The following FRY variants were observed in gnomAD, a reference collection of about 807,000 sequenced individuals.
FRY encodes protein furry homolog.
A neutral mutation model predicts 348.4 loss-of-function variants in FRY; 128 were observed. That is an observed-to-expected ratio of 0.37 (90% CI 0.32 to 0.43). The LOEUF (loss-of-function observed/expected upper bound fraction) is 0.43, where lower values mean the gene tolerates loss of function less well. Among genes scored for constraint, FRY ranks in the 20% least tolerant of loss-of-function variants. FRY has a pLI of 1.00. For missense variants in FRY, 2,736 were observed against 3,695.2 expected (o/e 0.74, Z 6.73); for synonymous variants, 1,370 against 1,374.7 (o/e 1.00, Z 0.08).
At chr13:32,081,956 G>A (rs545906722) in intron 2 of FRY, among the ~76,000 whole-genome samples, 1 of 152,052 alleles carries the variant, frequency 6.6e-6, no homozygotes, top group African/African-American at 2.4e-5. Flanking sequence ...AATTTATGCG[G>A]GTTTGTATCA....
In FRY at chr13:32,234,695, A is replaced by C. The variant is rs781114190; in HGVS notation, c.5649A>C (p.Ala1883=). 2.5e-6 allele frequency: 4 copies of C among 1,614,098 alleles called. No homozygotes were observed. The Admixed American group carries it at 6.7e-5, about 27-fold the overall frequency. ...GGGCCCTCAAGCAACCTCTGTCAGC[A>C]CATGCCTTATCTGACCTTCTCTCAA... is the stretch of plus-strand genomic sequence containing the variant. ...IFRALKQPLS[A]HALSDLLSRL... The change falls in exon 42 of 61, where the codon GCA becomes GCC. Residue 1883 remains alanine (A), a synonymous_variant. Coordinates refer to ENST00000542859, the MANE Select transcript of FRY (RefSeq NM_023037.3).
rs753994299 is a variant in FRY at position 32,136,811 on chromosome 13, T to C, written c.1078-60T>C. On this transcript the variant is annotated intron_variant, in intron 10 of 60. Coordinates refer to ENST00000542859, the MANE Select transcript of FRY (RefSeq NM_023037.3). ...GGCAAGGTAGTGGGTACAGAGAATG[T>C]ATGTTACCTGGTTTGTTGAAATATA... The C allele has an allele frequency of 2.7e-5, 26 of 964,952 alleles. No homozygotes were observed. The Middle Eastern group carries it at 1.5e-3, about 54-fold the overall frequency. 59.8% of individuals were successfully genotyped at this position (964,952 alleles called of 1,614,324 possible). A position where few individuals can be genotyped will look rare whatever the true frequency, so the allele number is the denominator to read the frequency against.
intron 41 of FRY, 111 bp from the exon 42 acceptor site, chr13:32,234,463 C>T (rs1464083027): frequency 4.4e-6 from 4 of 904,536 alleles, no homozygotes; most frequent in Non-Finnish European, 5.5e-6. Flanking sequence ...AAATAAGTAC[C>T]ACTACAAGGT....
At position 32,295,237 on chromosome 13, in the gene FRY, C is replaced by CTGA. The variant is rs1171176296; in HGVS notation, c.8826_8828dup (p.Asp2942dup). ...CCCAATGACATCTTTGGAAGCAGTT[C>CTGA]TGATGATGAGGTCCAGACACTACTG... On this transcript the variant is annotated inframe_insertion, in exon 61 of 61. Coordinates refer to ENST00000542859, the MANE Select transcript of FRY (RefSeq NM_023037.3). 1 of 1,613,686 alleles carries CTGA rather than the reference C, an allele frequency of 6.2e-7. No homozygotes were observed. Among genetic ancestry groups the CTGA allele is most frequent in the Non-Finnish European group, 8.5e-7 (1 of 1,179,768 alleles).
Position 32,147,891 on chromosome 13 carries a change from G to T in FRY, c.1336G>T (p.Val446Leu), listed in dbSNP as rs899870189. 3 of 1,611,896 alleles carry T rather than the reference G, an allele frequency of 1.9e-6. No homozygotes were observed. The highest frequency in any genetic ancestry group is 2.5e-6 in the Non-Finnish European group (3 of 1,177,954). The change falls in exon 13 of 61, where the codon GTA becomes TTA. Residue 446 changes from valine to leucine, a missense_variant. Val to Leu is a conservative substitution (Grantham distance 32, BLOSUM62 1). Coordinates refer to ENST00000542859, the MANE Select transcript of FRY (RefSeq NM_023037.3). ...TTTCCCCAAAGGGTCCCGCGGTGTG[G>T]TACCAAGGGACATGCCTCTGAACAT... is the stretch of plus-strand genomic sequence containing the variant. ...TLFPKGSRGVVPRDMPLNIFV... is the reference protein window; with the variant it reads ...TLFPKGSRGVLPRDMPLNIFV...
rs1045311702 is a variant in FRY, at chr13:32,295,522, A to G, written c.*62A>G. 3 of 1,492,586 alleles carry G rather than the reference A, an allele frequency of 2.0e-6. No homozygotes were observed. The highest frequency in any genetic ancestry group is 1.7e-5 in the Admixed American group (1 of 59,856). 92.5% of individuals were successfully genotyped at this position (1,492,586 alleles called of 1,614,324 possible). ...AGTGCTGCCATGCTGGGGCAACGTC[A>G]TTCAGTGTCTTCTCGGCCTTCAAAA... On this transcript the variant is annotated 3_prime_UTR_variant, in exon 61 of 61. Transcript: ENST00000542859.
At chr13:32,128,180 C>T (rs906723734) in intron 7 of FRY, among the ~76,000 whole-genome samples, 6 of 152,178 alleles carry the variant, frequency 3.9e-5, no homozygotes, top group Non-Finnish European at 7.3e-5. Flanking sequence ...TTATCCATCT[C>T]TACCGAATGT....
At chr13:32,132,250 T>C (rs1292708422) in intron 8 of FRY, among the ~76,000 whole-genome samples, 1 of 114,754 alleles carries the variant, frequency 8.7e-6, no homozygotes, top group Non-Finnish European at 1.9e-5. Context: ...TCTTAATTTT[T>C]AAAAACTCAG....
intron 4 of FRY, among the ~76,000 whole-genome samples, chr13:32,120,767 T>C (rs569619317): frequency 9.9e-5 from 15 of 152,258 alleles, no homozygotes; most frequent in Non-Finnish European, 2.2e-4. Flanking sequence ...GTTCAAGTGA[T>C]TCTCCTGCCT....
chr13:32,274,525 A>G (rs952891880), intron 55 of FRY, among the ~76,000 whole-genome samples: 6 of 151,796 alleles, frequency 4.0e-5, no homozygotes, highest in Non-Finnish European at 7.4e-5. Context: ...TAACACAGTG[A>G]AACCCCGTCT....
Position 32,172,770 on chromosome 13 carries a change from A to G in FRY, c.2152-597A>G, listed in dbSNP as rs575633507. ...CCTTCCCTGTGTTGTAGACATGCCA[A>G]CACGATAGGTAGAAAAGCAAGGGTT... On this transcript the variant is annotated intron_variant, in intron 18 of 60. Coordinates refer to ENST00000542859, the MANE Select transcript of FRY (RefSeq NM_023037.3). Among the ~76,000 whole-genome samples the G allele has an allele frequency of 1.2e-3, 184 of 152,280 alleles. 1 individual carries two copies. In the Middle Eastern group the frequency reaches 0.014, roughly 11 times the overall value.
intron 58 of FRY, among the ~76,000 whole-genome samples, chr13:32,281,433 C>G (rs1234765075): frequency 6.6e-6 from 1 of 152,124 alleles, no homozygotes; most frequent in African/African-American, 2.4e-5. Flanking sequence ...GTCTAAATGT[C>G]TAATATGGCT....
intron 1 of FRY, among the ~76,000 whole-genome samples, chr13:32,048,113 C>T (rs1404317039): frequency 6.6e-6 from 1 of 152,180 alleles, no homozygotes; most frequent in Non-Finnish European, 1.5e-5. Flanking sequence ...TTTCTACCCT[C>T]TAGCACATCT....
In FRY at chr13:32,231,239, T is replaced by C; in HGVS notation, c.5466T>C (p.Ser1822=). The change falls in exon 41 of 61, where the codon AGT becomes AGC. Residue 1822 remains serine (S), a synonymous_variant. Transcript: ENST00000542859. The part of the protein sequence containing the change: ...DITPKNQNSK[S]AEQLTNFLRH... ...CACCTAAAAATCAAAATTCAAAGAG[T>C]GCTGAACAGCTCACTAATTTTCTAC... 6.2e-7 allele frequency: 1 copy of C among 1,612,776 alleles called. No individual in the cohort carries two copies. The highest frequency in any genetic ancestry group is 8.5e-7 in the Non-Finnish European group (1 of 1,178,810).
chr13:32,050,764 CAA>C (rs1257809227), intron 1 of FRY, among the ~76,000 whole-genome samples: 2 of 152,092 alleles, frequency 1.3e-5, no homozygotes, highest in African/African-American at 4.8e-5. Flanking sequence ...ACTCTGGTGA[CAA>C]TTATTACATG....
intron 48 of FRY, 65 bp downstream of exon 48, chr13:32,247,567 G>A: frequency 8.2e-7 from 1 of 1,220,606 alleles, no homozygotes; most frequent in Non-Finnish European, 1.2e-6. Context: ...AAGATCAAAA[G>A]TAGTTGCCTG....
At chr13:32,218,961 C>T in intron 36 of FRY, 130 bp downstream of exon 36, 1 of 685,846 alleles carries the variant, frequency 1.5e-6, no homozygotes, top group Non-Finnish European at 2.7e-6. Flanking sequence ...TTTAATCCAC[C>T]TATGCAGATG....
intron 40 of FRY, 27 bp downstream of exon 40, chr13:32,228,681 T>C: frequency 1.2e-6 from 2 of 1,603,322 alleles, no homozygotes; most frequent in Non-Finnish European, 1.7e-6. Context: ...AGTCCGCTGC[T>C]GTTTGCAGGT....
rs749157630 is a variant in FRY at position 32,289,723 on chromosome 13, G to A, written c.8560G>A (p.Glu2854Lys). Residue 2854 changes from glutamate (E) to lysine (K), a missense_variant, in exon 59 of 61, where the codon GAA (glutamate) becomes AAA (lysine). Glu to Lys is a moderately conservative substitution (Grantham distance 56, BLOSUM62 1). Around this residue, in one of 9 missense-constraint regions of FRY, gnomAD observed 157 missense variants for 215.2 expected, o/e 0.73. Transcript: ENST00000542859. ...CTGTAAGCTCATCGGCCAGGTGCAC[G>A]AAGTTAGCTCCATGCCAGAGGTGAG... ...SYCKLIGQVHEVSSMPELLNM... is the reference protein window; with the variant it reads ...SYCKLIGQVHKVSSMPELLNM... The A allele has an allele frequency of 8.1e-6, 13 of 1,604,650 alleles. No individual in the cohort carries two copies. Among genetic ancestry groups the A allele is most frequent in the South Asian group, 5.5e-5 (5 of 90,928 alleles).
Sources: allele counts gnomAD v4.1 joint callset (sites outside exome capture counted in the v4.1 genomes callset), GRCh38; gene constraint gnomAD v4.1.1; regional missense constraint gnomAD v4.1.1; transcripts MANE v1.5; gene names NCBI Gene and HGNC (gene_info 2026-07-23, HGNC 2026-07-21).